SYNE2: variants seen among roughly 807,000 people sequenced by gnomAD.
The protein encoded by SYNE2 is spectrin repeat containing nuclear envelope protein 2, also known as nesprin-2.
A neutral mutation model predicts 856.3 loss-of-function variants in SYNE2; 431 were observed. That is an observed-to-expected ratio of 0.50 (90% CI 0.47 to 0.55). The LOEUF is 0.55. Among genes scored for constraint, SYNE2 ranks in the 20% least tolerant of loss-of-function variants. The pLI is 0.00. For synonymous variants in SYNE2, 2,923 were observed against 2,872.3 expected (o/e 1.02, Z -0.56); for missense variants, 8,129 against 8,023.2 (o/e 1.01, Z -0.50).
intron 107 of SYNE2, chr14:64,216,041 C>G: frequency 6.8e-7 from 1 of 1,473,940 alleles, no homozygotes; most frequent in Non-Finnish European, 9.0e-7. Flanking sequence ...GGTCGTGCTC[C>G]GTTGTGTACC....
chr14:64,221,641 G>C lies in SYNE2; in HGVS notation c.20127G>C (p.Lys6709Asn), dbSNP rs1229048595. The change falls in exon 112 of 116, where the codon AAG (lysine) becomes AAC (asparagine). Residue 6709 changes from lysine (K) to asparagine (N), a missense_variant. This residue lies in a region of SYNE2 where 5,410 missense variants were observed against 5,284.8 expected (regional missense o/e 1.02). Transcript: ENST00000555002. ...WLASAKNRRQ[K>N]AHVTDPKADP... is the part of the protein sequence containing the mutation. The stretch of plus-strand genomic sequence containing the variant: ...CGAGTGCCAAGAACCGGAGGCAGAA[G>C]GCTCATGTCACCGATCCAAAGGCAG... 6.2e-7 allele frequency: 1 copy of C among 1,614,158 alleles called. No individual in the cohort carries two copies. The highest frequency in any genetic ancestry group is 2.2e-5 in the East Asian group (1 of 44,878).
chr14:63,944,525 T>C (rs1374822063), intron 6 of SYNE2, among the ~76,000 whole-genome samples: 1 of 138,936 alleles, frequency 7.2e-6, no homozygotes, highest in Non-Finnish European at 1.6e-5. Context: ...TTCTTTTTTT[T>C]TTTTTTTTTT....
chr14:64,212,171 T>C lies in SYNE2; in HGVS notation c.18861+73T>C, dbSNP rs75672086. ...CGTGGGAGAGCTGGCCAAGTGCAAA[T>C]TTCACACGATACTCTGAGAGCAAAT... On this transcript the variant is annotated intron_variant, in intron 104 of 115. Transcript: ENST00000555002. The C allele has an allele frequency of 0.045, 71,865 of 1,606,488 alleles. 1,776 individuals carry two copies. The highest frequency in any genetic ancestry group is 0.082 in the Middle Eastern group (382 of 4,650).
At chr14:63,849,211 C>A (rs891705543), upstream of SYNE2, among the ~76,000 whole-genome samples, 1 of 150,460 alleles carries the variant, frequency 6.6e-6, no homozygotes, top group Non-Finnish European at 1.5e-5. Flanking sequence ...AAGATTGTTC[C>A]TTGAGTTAGA....
At chr14:64,085,148 C>T in intron 57 of SYNE2, 1 of 599,098 alleles carries the variant, frequency 1.7e-6, no homozygotes, top group Non-Finnish European at 3.0e-6. Context: ...TGTCGGCTCA[C>T]TGCAGCCTCC....
At chr14:63,996,710 A>C (rs1372726247) in intron 23 of SYNE2, among the ~76,000 whole-genome samples, 1 of 152,066 alleles carries the variant, frequency 6.6e-6, no homozygotes, top group South Asian at 2.1e-4. Context: ...GGTAGGCTCT[A>C]TCATAACACT....
intron 8 of SYNE2, chr14:63,960,620 C>G (rs1179614440): frequency 4.1e-6 from 2 of 491,244 alleles, no homozygotes; most frequent in East Asian, 3.3e-5. Context: ...TTTTTTTTTT[C>G]CAATAATCTT....
Position 64,097,948 on chromosome 14 carries a change from G to A in SYNE2, c.12109-1G>A. The A allele has an allele frequency of 6.2e-7, 1 of 1,614,172 alleles. No homozygotes were observed. The highest frequency in any genetic ancestry group is 1.7e-5 in the Admixed American group (1 of 60,018). On this transcript the variant is annotated splice_acceptor_variant, in intron 61 of 115. Transcript: ENST00000555002. LOFTEE classifies it high-confidence loss of function. ...CCTATGCAAACACTCTTTCTACACA[G>A]GGAGAAATCGAACGTATGGAGAAAC...
intron 1 of SYNE2, among the ~76,000 whole-genome samples, chr14:63,808,260 G>A (rs780675364): frequency 2.3e-4 from 35 of 151,678 alleles, no homozygotes; most frequent in Admixed American, 4.0e-4. Flanking sequence ...AATCTGCCTC[G>A]GGTGGATCAC....
chr14:63,926,056 C>T lies in SYNE2; in HGVS notation c.80-14558C>T, dbSNP rs561491633. On this transcript the variant is annotated intron_variant, in intron 2 of 115. Transcript: ENST00000555002. ...ACCTGGTTTCACCATGTTGCCCAGA[C>T]TGGTCTTGAACTCCTGAGCTCAAGC... Among the ~76,000 whole-genome samples, 11 of 152,084 alleles carry T rather than the reference C, an allele frequency of 7.2e-5. No homozygotes were observed. The East Asian group carries it at 1.9e-3, about 27-fold the overall frequency.
At chr14:63,971,303 A>T (rs1209019761) in intron 11 of SYNE2, among the ~76,000 whole-genome samples, 2 of 151,770 alleles carry the variant, frequency 1.3e-5, no homozygotes, top group African/African-American at 4.8e-5. Context: ...TTTTGCAGAG[A>T]AGGGGTTTCA....
chr14:63,919,488 G>A (rs2095571180), intron 2 of SYNE2, among the ~76,000 whole-genome samples: 1 of 152,192 alleles, frequency 6.6e-6, no homozygotes, highest in South Asian at 2.1e-4. Flanking sequence ...GAAGTCTAGT[G>A]TGGCTGGATT....
chr14:64,029,952 G>A lies in SYNE2; in HGVS notation c.6772G>A (p.Val2258Ile), dbSNP rs200336916. 173 of 1,613,930 alleles carry A rather than the reference G, an allele frequency of 1.1e-4. No individual in the cohort carries two copies. The highest frequency in any genetic ancestry group is 8.3e-5 in the Admixed American group (5 of 59,998). Residue 2258 changes from valine to isoleucine, a missense_variant, in exon 44 of 116, where the codon GTC (valine) becomes ATC (isoleucine). By Grantham distance (29) the Val-to-Ile change is conservative. Around this residue, in one of 3 missense-constraint regions of SYNE2, gnomAD observed 297 missense variants for 380.9 expected, o/e 0.78. Coordinates refer to ENST00000555002, the MANE Select transcript of SYNE2 (RefSeq NM_182914.3). ...AGAACATGATTCATACCAGGTTTGC[G>A]TCACAGACCTGAATACTACATTGGA... is the stretch of plus-strand genomic sequence containing the variant. ...VREHDSYQVC[V>I]TDLNTTLDNF...
intron 50 of SYNE2, among the ~76,000 whole-genome samples, chr14:64,065,022 G>A (rs1313757799): frequency 2.6e-5 from 4 of 151,874 alleles, no homozygotes; most frequent in Non-Finnish European, 4.4e-5. Flanking sequence ...ATGCCACCAC[G>A]CCCAGCTAAA....
intron 45 of SYNE2, among the ~76,000 whole-genome samples, chr14:64,039,494 T>C (rs533004699): frequency 1.9e-4 from 29 of 152,330 alleles, no homozygotes; most frequent in Non-Finnish European, 3.5e-4. Context: ...GTTCATGATA[T>C]TCTTCTCACC....
At chr14:63,992,380 T>A (rs2096673780) in intron 21 of SYNE2, among the ~76,000 whole-genome samples, 1 of 152,052 alleles carries the variant, frequency 6.6e-6, no homozygotes, top group Non-Finnish European at 1.5e-5. Flanking sequence ...GGGCTCAAGC[T>A]ATCCTCCTGC....
chr14:63,792,208 A>G (rs993225907), intron 1 of SYNE2, among the ~76,000 whole-genome samples: 1 of 152,194 alleles, frequency 6.6e-6, no homozygotes, highest in Non-Finnish European at 1.5e-5. Context: ...TGCTGTCCAT[A>G]AGAGATACTC....
intron 96 of SYNE2, among the ~76,000 whole-genome samples, chr14:64,183,973 AG>A (rs1305468361): frequency 4.5e-3 from 11 of 2,418 alleles, no homozygotes; most frequent in African/African-American, 0.015. Flanking sequence ...GGGGGTGGGG[AG>A]GGGGAGGGGA....
chr14:63,886,273 C>G (rs932065993), intron 1 of SYNE2, among the ~76,000 whole-genome samples: 7 of 152,156 alleles, frequency 4.6e-5, no homozygotes, highest in African/African-American at 1.7e-4. Flanking sequence ...AATGTACCAA[C>G]AGGAAGATGT....
Sources: allele counts gnomAD v4.1 joint callset (sites outside exome capture counted in the v4.1 genomes callset), GRCh38; gene constraint gnomAD v4.1.1; regional missense constraint gnomAD v4.1.1; transcripts MANE v1.5; gene names NCBI Gene and HGNC (gene_info 2026-07-23, HGNC 2026-07-21).